DCHS2: variants seen among roughly 807,000 people sequenced by gnomAD.
DCHS2 encodes dachsous cadherin-related 2, also known as protocadherin-23.
In DCHS2, 142 loss-of-function variants were observed where a neutral mutation model predicts 182.4. The ratio of observed to expected loss-of-function variants is 0.78; its 90% CI spans 0.68 to 0.89. The LOEUF (loss-of-function observed/expected upper bound fraction) is 0.89. Among genes scored for constraint, DCHS2 ranks in the 40% least tolerant of loss-of-function variants. DCHS2 has a pLI of 0.00. For synonymous variants in DCHS2, 1,740 were observed against 1,663.3 expected (o/e 1.05, Z -1.12); for missense variants, 4,319 against 4,198.6 (o/e 1.03, Z -0.79).
In DCHS2 at chr4:154,329,597, C is replaced by T. The variant is rs7666283; in HGVS notation, c.3844G>A (p.Val1282Ile). The change falls in exon 6 of 20, where the codon GTC becomes ATC. Residue 1282 changes from valine to isoleucine, a missense_variant. Transcript: ENST00000357232. Reference protein sequence around the residue: ...PPRNATMAVYVSVTDINDNRP... With the variant: ...PPRNATMAVYISVTDINDNRP... ...TTATCATTGATGTCAGTAACTGAGACGTAAACCGCCATGGTGGCGTTTCGT... is the reference window on the plus strand; with the variant it reads ...TTATCATTGATGTCAGTAACTGAGATGTAAACCGCCATGGTGGCGTTTCGT... 4.1e-3 allele frequency: 6,693 copies of T among 1,613,360 alleles called. 249 individuals are homozygous for T. The African/African-American group carries it at 0.079, about 19-fold the overall frequency.
chr4:154,316,036 G>C (rs374299559), intron 9 of DCHS2, 49 bp from the exon 10 acceptor site: 2 of 1,604,012 alleles, frequency 1.2e-6, no homozygotes, highest in Non-Finnish European at 1.7e-6. Context: ...ATTCTTTAGA[G>C]AAGTCATGCT....
intron 2 of DCHS2, among the ~76,000 whole-genome samples, chr4:154,367,757 C>G (rs1358376849): frequency 6.6e-6 from 1 of 151,928 alleles, no homozygotes; most frequent in South Asian, 2.1e-4. Context: ...CAGGGAGGCA[C>G]AGAGCAAGGA....
chr4:154,248,016 C>G (rs536799026), intron 16 of DCHS2, among the ~76,000 whole-genome samples: 1 of 152,024 alleles, frequency 6.6e-6, no homozygotes, highest in South Asian at 2.1e-4. Context: ...GCAGTAGGAA[C>G]CAGGTCTTCA....
intron 9 of DCHS2, among the ~76,000 whole-genome samples, chr4:154,317,384 T>C (rs1354580574): frequency 1.3e-5 from 2 of 152,236 alleles, no homozygotes; most frequent in East Asian, 1.9e-4. Context: ...GCAGCCTGTG[T>C]CTGGACTATT....
At chr4:154,297,408 G>C (rs946539352) in intron 13 of DCHS2, among the ~76,000 whole-genome samples, 1 of 152,176 alleles carries the variant, frequency 6.6e-6, no homozygotes, top group Non-Finnish European at 1.5e-5. Flanking sequence ...ATTTCCAGAA[G>C]TATCTATAGG....
intron 1 of DCHS2, among the ~76,000 whole-genome samples, chr4:154,433,309 G>C (rs1403809228): frequency 6.6e-6 from 1 of 151,948 alleles, no homozygotes; most frequent in African/African-American, 2.4e-5. Flanking sequence ...AGCCTTCAGA[G>C]GGACCATGGC....
At chr4:154,420,308 C>G (rs1429604921) in intron 1 of DCHS2, among the ~76,000 whole-genome samples, 1 of 145,230 alleles carries the variant, frequency 6.9e-6, no homozygotes, top group Non-Finnish European at 1.5e-5. Flanking sequence ...TAGATACGTA[C>G]GTACATACAT....
chr4:154,485,180 C>T (rs1426775775), intron 1 of DCHS2, among the ~76,000 whole-genome samples: 1 of 152,030 alleles, frequency 6.6e-6, no homozygotes, highest in Non-Finnish European at 1.5e-5. Context: ...AAGACAGAGC[C>T]TTTGGGAATG....
At position 154,477,029 on chromosome 4, in the gene DCHS2, G is replaced by A. The variant is rs113028631; in HGVS notation, c.2052+12275C>T. Among the ~76,000 whole-genome samples the A allele has an allele frequency of 6.6e-5, 10 of 152,252 alleles. 1 individual carries two copies. The highest frequency in any genetic ancestry group is 2.2e-4 in the African/African-American group (9 of 41,552). On this transcript the variant is annotated intron_variant, in intron 1 of 19. Transcript: ENST00000357232. ...GACAGCATATTCAATGCAAAGGGAAGAACTAGAGTGTCTTACTCAGCTCAG... is the reference window on the plus strand; with the variant it reads ...GACAGCATATTCAATGCAAAGGGAAAAACTAGAGTGTCTTACTCAGCTCAG...
chr4:154,463,558 G>A (rs1735106100), intron 1 of DCHS2, among the ~76,000 whole-genome samples: 2 of 152,056 alleles, frequency 1.3e-5, no homozygotes, highest in African/African-American at 2.4e-5. Flanking sequence ...TTTCTTGAAG[G>A]AGAATCAGAA....
chr4:154,392,493 A>G (rs1731752929), intron 1 of DCHS2, among the ~76,000 whole-genome samples: 1 of 152,162 alleles, frequency 6.6e-6, no homozygotes, highest in Non-Finnish European at 1.5e-5. Context: ...ATATAACCTT[A>G]AGGGCTGTGA....
intron 1 of DCHS2, among the ~76,000 whole-genome samples, chr4:154,414,718 G>C (rs1732765144): frequency 6.6e-6 from 1 of 151,986 alleles, no homozygotes; most frequent in Non-Finnish European, 1.5e-5. Flanking sequence ...ATGGGGGATA[G>C]GCCTTTTCTT....
chr4:154,490,712 T>C lies in DCHS2; in HGVS notation c.644A>G (p.Asp215Gly), dbSNP rs979827134. 6.4e-7 allele frequency: 1 copy of C among 1,551,434 alleles called. No individual in the cohort carries two copies. Among genetic ancestry groups the C allele is most frequent in the Admixed American group, 2.0e-5 (1 of 50,988 alleles). The change falls in exon 1 of 20, where the codon GAC becomes GGC. Residue 215 changes from aspartate (D) to glycine (G), a missense_variant. Transcript: ENST00000357232. ...TLVQPSDLPK[D>G]PAGPFFQLRY... Reference sequence around the variant, plus strand: ...CAACTGGAAGAACGGGCCTGCGGGGTCCTTGGGCAGGTCGGACGGTTGCAC... The same window carrying C: ...CAACTGGAAGAACGGGCCTGCGGGGCCCTTGGGCAGGTCGGACGGTTGCAC...
intron 7 of DCHS2, chr4:154,323,412 C>G: frequency 6.6e-7 from 1 of 1,521,452 alleles, no homozygotes; most frequent in Non-Finnish European, 8.8e-7. Context: ...TCACTGCAGC[C>G]TGGAGTTCAG....
chr4:154,409,822 T>A (rs1396277166), intron 1 of DCHS2, among the ~76,000 whole-genome samples: 4 of 152,144 alleles, frequency 2.6e-5, no homozygotes, highest in Non-Finnish European at 5.9e-5. Flanking sequence ...AGCCCTCACC[T>A]CTGAGGACCC....
At chr4:154,433,484 TC>T (rs1294849033) in intron 1 of DCHS2, among the ~76,000 whole-genome samples, 1 of 146,358 alleles carries the variant, frequency 6.8e-6, no homozygotes, top group African/African-American at 2.5e-5. Flanking sequence ...AACCTCTGCT[TC>T]CCGTGTTCAA....
In DCHS2 at chr4:154,339,326, C is replaced by T. The variant is rs146471765; in HGVS notation, c.2477-4222G>A. Among the ~76,000 whole-genome samples, 428 of 152,254 alleles carry T rather than the reference C, an allele frequency of 2.8e-3. 3 individuals carry two copies. Among genetic ancestry groups the T allele is most frequent in the African/African-American group, 9.7e-3 (404 of 41,550 alleles). On this transcript the variant is annotated intron_variant, in intron 3 of 19. Transcript: ENST00000357232. ...ATTCTAGGGCTGGCCATCTGCTTTA[C>T]GCAGTTCACCAATTCAAATGAAAAT...
chr4:154,289,288 A>G (rs1027809529), intron 13 of DCHS2, among the ~76,000 whole-genome samples: 2 of 152,112 alleles, frequency 1.3e-5, no homozygotes, highest in Admixed American at 1.3e-4. Context: ...TTAAAGGATC[A>G]TTAGTGGCTA....
chr4:154,294,170 A>C (rs78997818), intron 13 of DCHS2, among the ~76,000 whole-genome samples: 2,304 of 152,318 alleles, frequency 0.015, 25 homozygotes, highest in Middle Eastern at 0.031. Context: ...GAAATGCTTT[A>C]GAGATTACAA....
Sources: gnomAD v4.1 joint callset for allele counts (sites outside exome capture counted in the v4.1 genomes callset) on GRCh38, gnomAD v4.1.1 for gene constraint, MANE v1.5 for transcripts, NCBI Gene and HGNC (gene_info 2026-07-23, HGNC 2026-07-21) for gene names.